Variants in TJP1 observed in about 807,000 individuals in gnomAD.
TJP1 encodes the protein tight junction protein 1.
In TJP1, 43 loss-of-function variants were observed where a neutral mutation model predicts 194.2. The ratio of observed to expected loss-of-function variants is 0.22; its 90% CI spans 0.17 to 0.29. The LOEUF (loss-of-function observed/expected upper bound fraction) is 0.29, where lower values mean the gene tolerates loss of function less well. Ranked by LOEUF, TJP1 falls within the 10% of genes least tolerant of loss-of-function variation. TJP1 has a pLI of 1.00. For synonymous variants in TJP1, 801 were observed against 779.0 expected (o/e 1.03, Z -0.47); for missense variants, 1,971 against 2,185.7 (o/e 0.90, Z 1.96).
intron 2 of TJP1, among the ~76,000 whole-genome samples, chr15:29,898,323 G>GT (rs2053538878): frequency 1.3e-5 from 2 of 152,252 alleles, no homozygotes; most frequent in African/African-American, 4.8e-5. Context: ...CATCATGATT[G>GT]TGAGGCCTCC....
intron 2 of TJP1, among the ~76,000 whole-genome samples, chr15:29,842,370 TA>T (rs1460470802): frequency 2.6e-5 from 4 of 152,152 alleles, no homozygotes; most frequent in African/African-American, 9.7e-5. Context: ...TTATCAGGAA[TA>T]ATTAATTGAG....
intron 2 of TJP1, among the ~76,000 whole-genome samples, chr15:29,899,528 G>A (rs1475152799): frequency 6.6e-6 from 1 of 152,164 alleles, no homozygotes; most frequent in Non-Finnish European, 1.5e-5. Context: ...GGGGCTGGCT[G>A]GAGACCACCT....
At chr15:29,715,834 G>A (rs1314706437) in intron 23 of TJP1, among the ~76,000 whole-genome samples, 1 of 152,132 alleles carries the variant, frequency 6.6e-6, no homozygotes, top group African/African-American at 2.4e-5. Context: ...TGCTTAGCCA[G>A]CCCCTGTAAC....
intron 1 of TJP1, chr15:29,821,540 C>A (rs1396920785): frequency 6.6e-6 from 1 of 152,176 alleles, no homozygotes; most frequent in Non-Finnish European, 1.5e-5. Context: ...GACATCAGAT[C>A]GAAACTACAG....
intron 2 of TJP1, among the ~76,000 whole-genome samples, chr15:29,949,945 A>C (rs199834754): frequency 0.11 from 395 of 3,628 alleles, 5 homozygotes; most frequent in East Asian, 0.17. Context: ...CCACCTCCAC[A>C]ACCACCACCA....
rs1243080225 is a variant in TJP1 at position 29,708,823 on chromosome 15, G to A, written c.4586C>T (p.Pro1529Leu). 1.9e-6 allele frequency: 3 copies of A among 1,614,150 alleles called. No individual in the cohort carries two copies. The highest frequency in any genetic ancestry group is 1.1e-5 in the South Asian group (1 of 91,082). Residue 1529 changes from proline to leucine, a missense_variant, in exon 25 of 28, where the codon CCA becomes CTA. This residue lies in a region of TJP1 where 1,108 missense variants were observed against 1,128.5 expected (regional missense o/e 0.98). Transcript: ENST00000614355. Reference sequence around the variant, plus strand: ...TCGGGCAGAACTTGTATATGGTTTTGGTGTGAATCGATTGTATGCTGGAGT... The same window carrying A: ...TCGGGCAGAACTTGTATATGGTTTTAGTGTGAATCGATTGTATGCTGGAGT... ...TVTPAYNRFT[P>L]KPYTSSARPF...
rs1398172925 is a variant in TJP1, at chr15:29,822,433, CGCTGGCTCAGCCGGCGCCG to C, written c.-424_-406del. The C allele has an allele frequency of 1.0e-6, 1 of 988,696 alleles. No individual in the cohort carries two copies. The highest frequency in any genetic ancestry group is 1.7e-5 in the African/African-American group (1 of 57,352). 61.2% of individuals were successfully genotyped at this position (988,696 alleles called of 1,614,324 possible). ...GGCGGCCGCCAAGGAACGCGGCGTCCGCTGGCTCAGCCGGCGCCGGCAACTCAGCGGCCACGCAAACCTG... is the reference window on the plus strand; with the variant it reads ...GGCGGCCGCCAAGGAACGCGGCGTCCGCAACTCAGCGGCCACGCAAACCTG... On this transcript the variant is annotated 5_prime_UTR_variant, in exon 1 of 28. Transcript: ENST00000614355.
At chr15:29,738,379 CAAAT>C (rs1179207618) in intron 10 of TJP1, among the ~76,000 whole-genome samples, 1 of 152,090 alleles carries the variant, frequency 6.6e-6, no homozygotes, top group Non-Finnish European at 1.5e-5. Flanking sequence ...AACAAAAAGT[CAAAT>C]AAATGAATGA....
At chr15:29,772,508 TTTTAAG>T (rs1350347170) in intron 3 of TJP1, among the ~76,000 whole-genome samples, 1 of 152,204 alleles carries the variant, frequency 6.6e-6, no homozygotes, top group Non-Finnish European at 1.5e-5. Flanking sequence ...ACTTACTCCC[TTTTAAG>T]TTTTTCATCT....
intron 2 of TJP1, among the ~76,000 whole-genome samples, chr15:29,951,472 G>A (rs12440992): frequency 1 from 152,010 of 152,248 alleles, 75,888 homozygotes; most frequent in Middle Eastern, 1. Flanking sequence ...CTGGCCAGAT[G>A]CTTTTTTATA....
chr15:29,935,722 G>A (rs765879411), intron 2 of TJP1, among the ~76,000 whole-genome samples: 3 of 151,924 alleles, frequency 2.0e-5, no homozygotes, highest in Non-Finnish European at 2.9e-5. Flanking sequence ...CTACACCCCC[G>A]TTCCTGCTGA....
At chr15:29,927,939 G>A (rs545555835) in intron 2 of TJP1, among the ~76,000 whole-genome samples, 26 of 152,124 alleles carry the variant, frequency 1.7e-4, no homozygotes, top group Admixed American at 1.3e-3. Context: ...CCTTGAAATC[G>A]GACTGATGTT....
At chr15:29,792,060 T>C (rs530509556) in intron 2 of TJP1, among the ~76,000 whole-genome samples, 2 of 151,278 alleles carry the variant, frequency 1.3e-5, no homozygotes, top group South Asian at 4.1e-4. Flanking sequence ...AAATATTTTC[T>C]TCATTCTGTG....
chr15:29,878,835 C>A (rs1450150584), intron 2 of TJP1, among the ~76,000 whole-genome samples: 3 of 152,106 alleles, frequency 2.0e-5, no homozygotes. Flanking sequence ...TTAATTAACG[C>A]CCATGCTGGC....
At chr15:29,743,342 C>G (rs1020864182) in intron 8 of TJP1, among the ~76,000 whole-genome samples, 4 of 152,068 alleles carry the variant, frequency 2.6e-5, no homozygotes, top group Non-Finnish European at 5.9e-5. Context: ...TTAGTTCAAA[C>G]AGCTCGATGT....
At chr15:29,949,024 A>G (rs1198391221) in intron 2 of TJP1, among the ~76,000 whole-genome samples, 1 of 135,912 alleles carries the variant, frequency 7.4e-6, no homozygotes, top group African/African-American at 2.8e-5. Context: ...TTCTACCCTC[A>G]CAAACACCCA....
At chr15:29,798,527 C>T (rs1015681794) in intron 2 of TJP1, among the ~76,000 whole-genome samples, 3 of 152,106 alleles carry the variant, frequency 2.0e-5, no homozygotes, top group African/African-American at 4.8e-5. Flanking sequence ...CTGGGATGCT[C>T]AACCCATATC....
At chr15:29,758,689 G>A (rs45610533) in intron 8 of TJP1, among the ~76,000 whole-genome samples, 145 of 152,256 alleles carry the variant, frequency 9.5e-4, no homozygotes, top group Middle Eastern at 6.8e-3. Context: ...CATCAAAGGT[G>A]CTATATCACT....
chr15:29,860,443 AGTCCCTGGCAATCATTAGTC>A (rs2052033927), intron 2 of TJP1, among the ~76,000 whole-genome samples: 1 of 152,096 alleles, frequency 6.6e-6, no homozygotes, highest in South Asian at 2.1e-4. Context: ...TCAACTCCCT[AGTCCCTGGCAATCATTAGTC>A]TACTTTCTGT....
Sources: allele counts gnomAD v4.1 joint callset (sites outside exome capture counted in the v4.1 genomes callset), GRCh38; gene constraint gnomAD v4.1.1; regional missense constraint gnomAD v4.1.1; transcripts MANE v1.5; gene names NCBI Gene and HGNC (gene_info 2026-07-23, HGNC 2026-07-21).